ZNF516: variants seen among roughly 807,000 people sequenced by gnomAD.
ZNF516 encodes the protein zinc finger protein 516.
A neutral mutation model predicts 79.7 loss-of-function variants in ZNF516; 19 were observed. The ratio of observed to expected loss-of-function variants is 0.24; its 90% CI spans 0.17 to 0.35. The LOEUF (loss-of-function observed/expected upper bound fraction) is 0.35, where lower values mean the gene tolerates loss of function less well. Among genes scored for constraint, ZNF516 ranks in the 10% least tolerant of loss-of-function variants. The pLI is 1.00. For missense variants in ZNF516, 1,678 were observed against 1,679.5 expected, an observed-to-expected ratio of 1.00 and a Z score of 0.02; for synonymous variants, 877 against 739.5, an observed-to-expected ratio of 1.19 and a Z score of -3.02.
intron 1 of ZNF516, among the ~76,000 whole-genome samples, chr18:76,478,316 A>G (rs191165677): frequency 6.6e-6 from 1 of 152,350 alleles, no homozygotes; most frequent in East Asian, 1.9e-4. Context: ...AAATAAATCA[A>G]CTTTGTCTGG....
In ZNF516 at chr18:76,379,007, G is replaced by A; in HGVS notation, c.3107C>T (p.Pro1036Leu). The A allele has an allele frequency of 2.5e-6, 4 of 1,604,780 alleles. No homozygotes were observed. The highest frequency in any genetic ancestry group is 1.7e-5 in the Admixed American group (1 of 59,162). The change falls in exon 4 of 7, where the codon CCC (proline) becomes CTC (leucine). Residue 1036 changes from proline to leucine, a missense_variant. By Grantham distance (98) the Pro-to-Leu change is moderately conservative. This residue lies in a region of ZNF516 where 1,294 missense variants were observed against 1,248.3 expected (regional missense o/e 1.04). Coordinates refer to ENST00000443185, the MANE Select transcript of ZNF516 (RefSeq NM_014643.4). ...LQAQPGVAGA[P>L]PVLHSIKQEP... is the part of the protein sequence containing the mutation. ...CTGTTTGATGGAGTGTAGGACGGGG[G>A]GCGCCCCAGCCACGCCGGGCTGGGC... is the stretch of plus-strand genomic sequence containing the variant.
intron 1 of ZNF516, chr18:76,487,850 C>T (rs978947813): frequency 2.5e-6 from 2 of 810,150 alleles, no homozygotes; most frequent in Non-Finnish European, 3.0e-6. Context: ...TAGATACATT[C>T]CCGTAATAGG....
At chr18:76,481,162 G>A (rs1049509893) in intron 1 of ZNF516, among the ~76,000 whole-genome samples, 1 of 152,186 alleles carries the variant, frequency 6.6e-6, no homozygotes, top group African/African-American at 2.4e-5. Context: ...GAGGCAGGAC[G>A]GGACCAAGTC....
At position 76,357,866 on chromosome 18, in the gene ZNF516, GAC is replaced by G. The variant is rs1400176281; in HGVS notation, c.*4630_*4631del. On this transcript the variant is annotated 3_prime_UTR_variant, in exon 7 of 7. Transcript: ENST00000443185. ...CCATCCCTGTGCGTCCTGTATGGGT[GAC>G]AGTGCAAGGGTAAGAACAGTGGGTG... Among the ~76,000 whole-genome samples the G allele has an allele frequency of 2.0e-5, 3 of 152,114 alleles. No homozygotes were observed. Among genetic ancestry groups the G allele is most frequent in the Non-Finnish European group, 4.4e-5 (3 of 68,036 alleles).
intron 3 of ZNF516, among the ~76,000 whole-genome samples, chr18:76,382,124 T>A (rs2074902551): frequency 6.6e-6 from 1 of 150,996 alleles, no homozygotes; most frequent in Non-Finnish European, 1.5e-5. Context: ...AGAGCAAGAC[T>A]CCATCTTAAA....
At chr18:76,449,211 CAAG>C (rs1912247814) in intron 2 of ZNF516, among the ~76,000 whole-genome samples, 1 of 152,172 alleles carries the variant, frequency 6.6e-6, no homozygotes, top group Non-Finnish European at 1.5e-5. Context: ...AGAGGCTCCC[CAAG>C]TCTGCAAGAT....
chr18:76,491,894 G>A (rs1454192332), intron 1 of ZNF516, among the ~76,000 whole-genome samples: 1 of 152,180 alleles, frequency 6.6e-6, no homozygotes, highest in Non-Finnish European at 1.5e-5. Flanking sequence ...TTGGGGAGGG[G>A]CAGAATTGGG....
intron 3 of ZNF516, among the ~76,000 whole-genome samples, chr18:76,405,253 A>T (rs1008077811): frequency 1.2e-4 from 19 of 152,130 alleles, no homozygotes; most frequent in African/African-American, 4.3e-4. Context: ...TTTTTGAGAC[A>T]GGGGTTTGAC....
rs542917850 is a variant in ZNF516 at position 76,473,608 on chromosome 18, T to C, written c.-271-10467A>G. ...CGAGGTCAGGAGATGGAGACCATCC[T>C]AGCTAACACGGTGAAACCCTGTCTC... is the stretch of plus-strand genomic sequence containing the variant. On this transcript the variant is annotated intron_variant, in intron 1 of 6. Transcript: ENST00000443185. Among the ~76,000 whole-genome samples, 26 of 152,170 alleles carry C rather than the reference T, an allele frequency of 1.7e-4. No homozygotes were observed. In the East Asian group the frequency reaches 2.7e-3, roughly 16 times the overall value.
At chr18:76,404,690 TGA>T (rs761096189) in intron 3 of ZNF516, among the ~76,000 whole-genome samples, 11 of 152,030 alleles carry the variant, frequency 7.2e-5, no homozygotes, top group African/African-American at 9.7e-5. Flanking sequence ...CCTGTGAGCA[TGA>T]GTGTGAGCAT....
At chr18:76,418,605 C>A (rs1023095372) in intron 3 of ZNF516, among the ~76,000 whole-genome samples, 3 of 151,912 alleles carry the variant, frequency 2.0e-5, no homozygotes, top group African/African-American at 7.3e-5. Context: ...TGCAAACATA[C>A]AGGCTTAAAA....
At chr18:76,450,863 T>A (rs548326548) in intron 2 of ZNF516, among the ~76,000 whole-genome samples, 14 of 152,324 alleles carry the variant, frequency 9.2e-5, no homozygotes, top group Non-Finnish European at 1.5e-4. Flanking sequence ...GCCTGTGAAT[T>A]AAACCAGTAC....
chr18:76,380,279 AAGC>A lies in ZNF516; in HGVS notation c.1832_1834del (p.Cys611del). 1 of 1,613,634 alleles carries A rather than the reference AAGC, an allele frequency of 6.2e-7. No homozygotes were observed. The highest frequency in any genetic ancestry group is 8.5e-7 in the Non-Finnish European group (1 of 1,179,704). The stretch of plus-strand genomic sequence containing the variant: ...CTCGGTCGAAGTCACCTCTTCGGAA[AAGC>A]AGCAGCGGCGCGGCTGTCCCCCTAG... On this transcript the variant is annotated inframe_deletion, in exon 4 of 7. Transcript: ENST00000443185.
intron 3 of ZNF516, among the ~76,000 whole-genome samples, chr18:76,434,405 AAAG>A (rs2075703110): frequency 6.6e-6 from 1 of 152,248 alleles, no homozygotes; most frequent in Non-Finnish European, 1.5e-5. Flanking sequence ...GAATTAAAGT[AAAG>A]AAGTTTAGCA....
chr18:76,489,574 G>C (rs1279765143), intron 1 of ZNF516, among the ~76,000 whole-genome samples: 1 of 126,934 alleles, frequency 7.9e-6, no homozygotes, highest in African/African-American at 3.1e-5. Flanking sequence ...TGGTCTCTGG[G>C]ACAACATCTT....
chr18:76,473,741 C>A (rs1366999486), intron 1 of ZNF516, among the ~76,000 whole-genome samples: 3 of 150,836 alleles, frequency 2.0e-5, no homozygotes, highest in Non-Finnish European at 4.4e-5. Flanking sequence ...GCGGAGCTTG[C>A]AGTGAGCTGA....
intron 1 of ZNF516, among the ~76,000 whole-genome samples, chr18:76,475,874 T>A (rs1009985638): frequency 1.3e-5 from 2 of 152,236 alleles, no homozygotes; most frequent in African/African-American, 2.4e-5. Flanking sequence ...TGTATATATT[T>A]AAAGATCTTA....
At chr18:76,413,902 G>C (rs1461454584) in intron 3 of ZNF516, among the ~76,000 whole-genome samples, 1 of 152,126 alleles carries the variant, frequency 6.6e-6, no homozygotes, top group Non-Finnish European at 1.5e-5. Flanking sequence ...TATTTAAAAG[G>C]TTTCGTTAAA....
At chr18:76,366,735 C>T (rs1225918968) in intron 6 of ZNF516, among the ~76,000 whole-genome samples, 1 of 152,178 alleles carries the variant, frequency 6.6e-6, no homozygotes, top group African/African-American at 2.4e-5. Context: ...TATTTTTAGA[C>T]TAAATGACAA....
Sources: gnomAD v4.1 joint callset for allele counts (sites outside exome capture counted in the v4.1 genomes callset) on GRCh38, gnomAD v4.1.1 for gene constraint, gnomAD v4.1.1 regional missense constraint, MANE v1.5 for transcripts, NCBI Gene and HGNC (gene_info 2026-07-23, HGNC 2026-07-21) for gene names.